LRRIQ1: variants seen among roughly 807,000 people sequenced by gnomAD.
LRRIQ1 encodes leucine-rich repeat- and IQ domain-containing protein 1.
In LRRIQ1, 210 loss-of-function variants were observed where a neutral mutation model predicts 211.9. The ratio of observed to expected loss-of-function variants is 0.99; its 90% CI spans 0.89 to 1.11. The LOEUF (loss-of-function observed/expected upper bound fraction) is 1.11, where lower values mean the gene tolerates loss of function less well. Among genes scored for constraint, LRRIQ1 ranks in the 50% most tolerant of loss-of-function variants. LRRIQ1 has a pLI of 0.00. For synonymous variants in LRRIQ1, 699 were observed against 650.1 expected (o/e 1.08, Z -1.14); for missense variants, 2,136 against 1,939.5 (o/e 1.10, Z -1.90).
At chr12:85,149,309 G>C (rs1332291187) in intron 19 of LRRIQ1, among the ~76,000 whole-genome samples, 2 of 151,770 alleles carry the variant, frequency 1.3e-5, no homozygotes, top group Non-Finnish European at 2.9e-5. Context: ...CTTTAATCCA[G>C]CTTGAGTTAG....
At chr12:85,159,776 A>T (rs1890764419) in intron 23 of LRRIQ1, among the ~76,000 whole-genome samples, 1 of 152,100 alleles carries the variant, frequency 6.6e-6, no homozygotes, top group Non-Finnish European at 1.5e-5. Context: ...TAAATGACTT[A>T]GATGATATAT....
chr12:85,140,236 C>T (rs528680107), intron 19 of LRRIQ1, among the ~76,000 whole-genome samples: 1 of 151,350 alleles, frequency 6.6e-6, no homozygotes, highest in South Asian at 2.1e-4. Flanking sequence ...GTGGAAAATA[C>T]TATTTCATAA....
At chr12:85,074,797 G>A (rs1282238604) in intron 11 of LRRIQ1, among the ~76,000 whole-genome samples, 2 of 151,992 alleles carry the variant, frequency 1.3e-5, no homozygotes, top group Non-Finnish European at 2.9e-5. Context: ...GATTGTTAAA[G>A]TTTATAAAAT....
chr12:85,099,135 A>C lies in LRRIQ1; in HGVS notation c.3209+141A>C, dbSNP rs563738293. The C allele has an allele frequency of 4.1e-5, 18 of 438,394 alleles. No homozygotes were observed. In the East Asian group the frequency reaches 8.0e-4, roughly 19 times the overall value. 27.2% of individuals were successfully genotyped at this position (438,394 alleles called of 1,614,324 possible). On this transcript the variant is annotated intron_variant, in intron 13 of 26. Transcript: ENST00000393217. ...AATAAATTAGTATATAAATTATAAA[A>C]ATAACATTATAGAATTTTTAAAAAT...
Position 85,045,059 on chromosome 12 carries a change from G to A in LRRIQ1, c.336+250G>A, listed in dbSNP as rs765145276. ...TTATACCTGGCAATTTAATGTGCAT[G>A]TAGATAAAATAGGAGAACTATATTA... On this transcript the variant is annotated intron_variant, in intron 4 of 26. Coordinates refer to ENST00000393217, the MANE Select transcript of LRRIQ1 (RefSeq NM_001079910.2). Among the ~76,000 whole-genome samples, 5 of 152,048 alleles carry A rather than the reference G, an allele frequency of 3.3e-5. No individual in the cohort carries two copies. In the South Asian group the frequency reaches 1.0e-3, roughly 32 times the overall value.
chr12:85,253,200 A>G (rs1413764365), intron 1 of LRRIQ1, among the ~76,000 whole-genome samples: 2 of 151,984 alleles, frequency 1.3e-5, no homozygotes, highest in Admixed American at 6.6e-5. Flanking sequence ...TTCTCTTTCC[A>G]TTCCTACAGC....
intron 18 of LRRIQ1, among the ~76,000 whole-genome samples, chr12:85,134,895 T>A (rs2136526451): frequency 6.6e-6 from 1 of 152,150 alleles, no homozygotes; most frequent in East Asian, 1.9e-4. Context: ...ACTAGATTAT[T>A]TGAAATAAAT....
chr12:85,266,837 A>C (rs1164782728), downstream of LRRIQ1, among the ~76,000 whole-genome samples: 1 of 152,148 alleles, frequency 6.6e-6, no homozygotes, highest in Non-Finnish European at 1.5e-5. Flanking sequence ...GATTCTTTGA[A>C]GCTTTTGAGA....
chr12:85,060,220 A>T (rs374638305), intron 8 of LRRIQ1, among the ~76,000 whole-genome samples: 3 of 151,926 alleles, frequency 2.0e-5, no homozygotes, highest in Non-Finnish European at 2.9e-5. Context: ...AGGCAAATGG[A>T]TTGTTTTCGA....
In LRRIQ1 at chr12:85,056,072, G is replaced by A; in HGVS notation, c.1279G>A (p.Val427Met). 1 of 1,594,288 alleles carries A rather than the reference G, an allele frequency of 6.3e-7. No individual in the cohort carries two copies. Among genetic ancestry groups the A allele is most frequent in the Non-Finnish European group, 8.5e-7 (1 of 1,174,744 alleles). ...TAAGGGTGATATAGCCAAAAATCTA[G>A]TGGATGAAAATTCAAAGAAGCAGGA... ...NDKGDIAKNLVDENSKKQEDV... is the reference protein window; with the variant it reads ...NDKGDIAKNLMDENSKKQEDV... Residue 427 changes from valine to methionine, a missense_variant, in exon 8 of 27, where the codon GTG becomes ATG. By Grantham distance (21) the Val-to-Met change is conservative. Coordinates refer to ENST00000393217, the MANE Select transcript of LRRIQ1 (RefSeq NM_001079910.2).
chr12:85,152,795 C>G (rs961101450), intron 20 of LRRIQ1, among the ~76,000 whole-genome samples: 1 of 151,474 alleles, frequency 6.6e-6, no homozygotes, highest in Non-Finnish European at 1.5e-5. Flanking sequence ...TTTTAAAGAT[C>G]TTTGCAATTA....
chr12:85,058,348 G>T (rs369750255), intron 8 of LRRIQ1, among the ~76,000 whole-genome samples: 2 of 151,818 alleles, frequency 1.3e-5, no homozygotes, highest in Admixed American at 6.6e-5. Flanking sequence ...TTTTCCTTGC[G>T]CATGTTATCT....
chr12:85,172,064 G>T (rs951906344), intron 24 of LRRIQ1, among the ~76,000 whole-genome samples: 7 of 152,074 alleles, frequency 4.6e-5, no homozygotes, highest in African/African-American at 1.7e-4. Context: ...AGCAAAGCAC[G>T]CATACCACCC....
chr12:85,044,053 C>A lies in LRRIQ1; in HGVS notation c.245-665C>A, dbSNP rs559363614. ...TTGACCTCTCACACAGGAAAGCATG[C>A]CAGAAAGGTAGTGAATAGGTGTTAA... On this transcript the variant is annotated intron_variant, in intron 3 of 26. Transcript: ENST00000393217. 7.9e-5 allele frequency among the ~76,000 whole-genome samples: 12 copies of A among 152,010 alleles called. No individual in the cohort carries two copies. In the South Asian group the frequency reaches 2.5e-3, roughly 32 times the overall value.
chr12:85,098,599 T>C, intron 12 of LRRIQ1, 51 bp downstream of exon 12: 2 of 1,440,232 alleles, frequency 1.4e-6, no homozygotes, highest in Non-Finnish European at 1.9e-6. Context: ...ACTTTTCTTT[T>C]GATAGAAATA....
At chr12:85,067,572 G>A (rs910766253) in intron 10 of LRRIQ1, among the ~76,000 whole-genome samples, 7 of 150,656 alleles carry the variant, frequency 4.6e-5, no homozygotes, top group Non-Finnish European at 8.9e-5. Context: ...TTTTTGATAT[G>A]GTCTTGCTAT....
At chr12:85,187,963 C>T (rs1892309533) in intron 24 of LRRIQ1, among the ~76,000 whole-genome samples, 1 of 151,938 alleles carries the variant, frequency 6.6e-6, no homozygotes, top group African/African-American at 2.4e-5. Context: ...CATTAAAACA[C>T]TCTCATTGTA....
intron 24 of LRRIQ1, among the ~76,000 whole-genome samples, chr12:85,200,121 T>G (rs1426042704): frequency 6.6e-6 from 1 of 152,202 alleles, no homozygotes; most frequent in East Asian, 1.9e-4. Flanking sequence ...TTTTTCCATT[T>G]GTTTGTGTCA....
At chr12:85,217,705 T>A (rs1485466608) in intron 24 of LRRIQ1, among the ~76,000 whole-genome samples, 1 of 107,558 alleles carries the variant, frequency 9.3e-6, no homozygotes, top group Non-Finnish European at 1.6e-5. Context: ...TATGTATATA[T>A]GTGTGTGTAT....
Sources: gnomAD v4.1 joint callset for allele counts (sites outside exome capture counted in the v4.1 genomes callset) on GRCh38, gnomAD v4.1.1 for gene constraint, MANE v1.5 for transcripts, NCBI Gene and HGNC (gene_info 2026-07-23, HGNC 2026-07-21) for gene names.